QKI: variants seen among roughly 807,000 people sequenced by gnomAD.
The protein encoded by QKI is KH domain-containing RNA-binding protein QKI.
In QKI, 10 loss-of-function variants were observed where a neutral mutation model predicts 39.0. The observed-to-expected ratio is 0.26, with a 90% CI of 0.16 to 0.43. The LOEUF (loss-of-function observed/expected upper bound fraction) is 0.43. Among genes scored for constraint, QKI ranks in the 20% least tolerant of loss-of-function variants. QKI has a pLI of 1.00. For missense variants in QKI, 218 were observed against 428.0 expected (o/e 0.51, Z 4.33); for synonymous variants, 204 against 155.4 (o/e 1.31, Z -2.33).
At chr6:163,492,091 C>G (rs893967842) in intron 3 of QKI, among the ~76,000 whole-genome samples, 1 of 152,204 alleles carries the variant, frequency 6.6e-6, no homozygotes, top group African/African-American at 2.4e-5. Context: ...ATTCAGCTCT[C>G]TGTTGACAGA....
At chr6:163,564,326 C>T (rs1583229580) in intron 6 of QKI, 4 of 1,011,428 alleles carry the variant, frequency 4.0e-6, no homozygotes, top group Non-Finnish European at 4.9e-6. Flanking sequence ...TAGATGATAT[C>T]GTTTACTACA....
chr6:163,554,921 CA>C (rs1285270363), intron 4 of QKI, among the ~76,000 whole-genome samples: 1 of 152,206 alleles, frequency 6.6e-6, no homozygotes. Context: ...GCTTTAAAGA[CA>C]AATCCTTTTT....
chr6:163,481,581 A>G (rs534594143), intron 3 of QKI, among the ~76,000 whole-genome samples: 94 of 152,326 alleles, frequency 6.2e-4, no homozygotes, highest in African/African-American at 2.2e-3. Context: ...TGTAAATGCT[A>G]TGTACTTCTA....
chr6:163,488,334 A>G (rs533484753), intron 3 of QKI, among the ~76,000 whole-genome samples: 21 of 152,262 alleles, frequency 1.4e-4, no homozygotes, highest in Admixed American at 9.8e-4. Flanking sequence ...AGTGACAAAA[A>G]AAAAGAGAGA....
chr6:163,452,741 T>C (rs778379730), intron 1 of QKI, among the ~76,000 whole-genome samples: 5 of 152,054 alleles, frequency 3.3e-5, no homozygotes, highest in Non-Finnish European at 5.9e-5. Context: ...TTTATTTATT[T>C]TTTTAGACAG....
chr6:163,556,965 C>A (rs1459929082), intron 4 of QKI, among the ~76,000 whole-genome samples: 30 of 152,072 alleles, frequency 2.0e-4, no homozygotes, highest in Non-Finnish European at 7.4e-5. Context: ...GCCCTATGAC[C>A]CAGCAACTCT....
At chr6:163,439,820 G>A (rs2128214374) in intron 1 of QKI, among the ~76,000 whole-genome samples, 1 of 151,776 alleles carries the variant, frequency 6.6e-6, no homozygotes, top group Non-Finnish European at 1.5e-5. Flanking sequence ...CAGCTAATTT[G>A]TGTATTTTTA....
intron 3 of QKI, among the ~76,000 whole-genome samples, chr6:163,484,420 C>T (rs897950874): frequency 7.9e-5 from 12 of 152,172 alleles, no homozygotes; most frequent in African/African-American, 2.4e-4. Context: ...AGGCTAGTCT[C>T]GAACTCCTGG....
intron 3 of QKI, among the ~76,000 whole-genome samples, chr6:163,526,648 T>C (rs1035360247): frequency 6.6e-6 from 1 of 152,232 alleles, no homozygotes; most frequent in African/African-American, 2.4e-5. Context: ...TTGATGATTT[T>C]TGTCTTTTTA....
rs1051530231 is a variant in QKI at position 163,565,622 on chromosome 6, A to T, written c.935-1099A>T. 3.9e-6 allele frequency: 4 copies of T among 1,018,902 alleles called. No individual in the cohort carries two copies. The East Asian group carries it at 3.5e-4, about 89-fold the overall frequency. 63.1% of individuals were successfully genotyped at this position (1,018,902 alleles called of 1,614,324 possible). On this transcript the variant is annotated intron_variant, in intron 6 of 7. Transcript: ENST00000361752. ...CAAAATATGCAGATTTCTAATTGGC[A>T]TTCATAAGGTGAATAATAATAAGTG...
Position 163,501,014 on chromosome 6 carries a change from CTCAG to C in QKI, c.402+22122_402+22125del, listed in dbSNP as rs148825639. On this transcript the variant is annotated intron_variant, in intron 3 of 7. Transcript: ENST00000361752. ...CCACAAAATAAGATGAAAATAGTTT[CTCAG>C]TCAAATGGTTGGAATATTTAGTAAT... Among the ~76,000 whole-genome samples, 528 of 152,222 alleles carry C rather than the reference CTCAG, an allele frequency of 3.5e-3. 3 individuals are homozygous for C. The highest frequency in any genetic ancestry group is 0.012 in the African/African-American group (485 of 41,522).
intron 4 of QKI, among the ~76,000 whole-genome samples, chr6:163,537,800 G>A (rs1781291498): frequency 6.6e-6 from 1 of 151,990 alleles, no homozygotes. Flanking sequence ...GCTTGTATCA[G>A]AACCCCACAA....
intron 4 of QKI, among the ~76,000 whole-genome samples, chr6:163,538,953 C>G (rs1286017250): frequency 6.6e-6 from 1 of 152,100 alleles, no homozygotes; most frequent in African/African-American, 2.4e-5. Context: ...AAGTTGATAG[C>G]AAATGTTGAA....
chr6:163,508,940 A>G (rs1486809580), intron 3 of QKI, among the ~76,000 whole-genome samples: 1 of 126,270 alleles, frequency 7.9e-6, no homozygotes. Context: ...GGAGTTCGAG[A>G]CCAGCCTGGC....
intron 1 of QKI, among the ~76,000 whole-genome samples, chr6:163,420,480 A>G (rs901667177): frequency 1.3e-5 from 2 of 152,170 alleles, no homozygotes; most frequent in East Asian, 3.8e-4. Context: ...TGTTATGAAC[A>G]TATCCAAGGT....
intron 3 of QKI, among the ~76,000 whole-genome samples, chr6:163,525,618 G>C (rs993531497): frequency 3.6e-4 from 55 of 152,092 alleles, no homozygotes; most frequent in Non-Finnish European, 8.8e-5. Flanking sequence ...CCCCGCCTCG[G>C]CCACCCAAAG....
intron 3 of QKI, among the ~76,000 whole-genome samples, chr6:163,503,563 T>C (rs1778915028): frequency 6.6e-6 from 1 of 152,166 alleles, no homozygotes; most frequent in South Asian, 2.1e-4. Context: ...CGGAAACTCT[T>C]TAGTTTAATT....
chr6:163,457,493 T>G (rs1791007524), intron 2 of QKI: 2 of 455,610 alleles, frequency 4.4e-6, no homozygotes, highest in South Asian at 3.1e-5. Context: ...TATCTACGCT[T>G]TCTGGGAACT....
chr6:163,489,928 A>G (rs1029250100), intron 3 of QKI, among the ~76,000 whole-genome samples: 4 of 152,012 alleles, frequency 2.6e-5, no homozygotes, highest in African/African-American at 7.2e-5. Context: ...CGCATTTTAT[A>G]TTACTGCCTC....
Sources: allele counts gnomAD v4.1 joint callset (sites outside exome capture counted in the v4.1 genomes callset), GRCh38; gene constraint gnomAD v4.1.1; transcripts MANE v1.5; gene names NCBI Gene and HGNC (gene_info 2026-07-23, HGNC 2026-07-21).